CMTR1: variants seen among roughly 807,000 people sequenced by gnomAD.
The protein encoded by CMTR1 is cap-specific mRNA (nucleoside-2'-O-)-methyltransferase 1.
In CMTR1, 39 loss-of-function variants were observed where a neutral mutation model predicts 107.0. That is an observed-to-expected ratio of 0.36 (90% confidence interval 0.28 to 0.48). The LOEUF (loss-of-function observed/expected upper bound fraction) is 0.48, where lower values mean the gene tolerates loss of function less well. Ranked by LOEUF, CMTR1 falls within the 20% of genes least tolerant of loss-of-function variation. CMTR1 has a pLI of 0.99. For missense variants in CMTR1, 672 were observed against 1,064.9 expected (o/e 0.63, Z 5.14); for synonymous variants, 366 against 379.5 (o/e 0.96, Z 0.41).
upstream of CMTR1, among the ~76,000 whole-genome samples, chr6:37,432,025 C>T (rs1771390129): frequency 2.6e-5 from 4 of 152,174 alleles, no homozygotes; most frequent in Admixed American, 2.6e-4. Context: ...ACCATGTTGG[C>T]CAGGCTGGTC....
At chr6:37,465,244 G>T (rs565394746) in intron 13 of CMTR1, among the ~76,000 whole-genome samples, 1 of 151,224 alleles carries the variant, frequency 6.6e-6, no homozygotes, top group Admixed American at 6.6e-5. Flanking sequence ...TCCAGCCTGG[G>T]CAATGAGTGA....
At chr6:37,469,479 G>A (rs1761578756) in intron 13 of CMTR1, among the ~76,000 whole-genome samples, 1 of 150,146 alleles carries the variant, frequency 6.7e-6, no homozygotes, top group South Asian at 2.1e-4. Flanking sequence ...CAACTCTTCA[G>A]GAAATTTCTT....
intron 14 of CMTR1, among the ~76,000 whole-genome samples, 180 bp downstream of exon 14, chr6:37,471,257 A>C (rs979141929): frequency 6.6e-6 from 1 of 152,182 alleles, no homozygotes; most frequent in Non-Finnish European, 1.5e-5. Context: ...TTTGTCCCCA[A>C]ATACTTTACA....
At chr6:37,442,400 A>C (rs1201893202) in intron 2 of CMTR1, among the ~76,000 whole-genome samples, 1 of 152,250 alleles carries the variant, frequency 6.6e-6, no homozygotes, top group Non-Finnish European at 1.5e-5. Context: ...AAGGAGTCAT[A>C]TACTCTGTAG....
chr6:37,458,468 C>A lies in CMTR1; in HGVS notation c.778-144C>A, dbSNP rs1229657808. On this transcript the variant is annotated intron_variant, in intron 8 of 23. Transcript: ENST00000373451. This position sits in a 1 kb window ranked among gnomAD's most constrained non-coding sequence, Gnocchi z 4.7. ...AAAGGGTGTTAATCACCAGAAGATACATTTCCTGGGTGCTGTAGCTCTGGT... is the reference window on the plus strand; with the variant it reads ...AAAGGGTGTTAATCACCAGAAGATAAATTTCCTGGGTGCTGTAGCTCTGGT... 1.4e-6 allele frequency: 1 copy of A among 714,368 alleles called. No homozygotes were observed. The highest frequency in any genetic ancestry group is 2.7e-5 in the East Asian group (1 of 36,934). The allele number at this position is 714,368 out of a possible 1,614,324, so 44.3% of individuals were successfully genotyped here.
At chr6:37,446,032 T>C (rs1369824137) in intron 3 of CMTR1, among the ~76,000 whole-genome samples, 1 of 152,242 alleles carries the variant, frequency 6.6e-6, no homozygotes, top group Non-Finnish European at 1.5e-5. Context: ...CTGGGTGCTT[T>C]TAATTAGGCT....
chr6:37,469,521 C>CTTTTTTTTTT (rs763917812), intron 13 of CMTR1, among the ~76,000 whole-genome samples: 3 of 61,616 alleles, frequency 4.9e-5, no homozygotes, highest in East Asian at 5.0e-4. Flanking sequence ...TTGTTTTATC[C>CTTTTTTTTTT]TTTTTTTTTT....
At chr6:37,457,480 C>T (rs1761320628) in intron 8 of CMTR1, among the ~76,000 whole-genome samples, 1 of 151,996 alleles carries the variant, frequency 6.6e-6, no homozygotes, top group South Asian at 2.1e-4. Flanking sequence ...AGGAGAGAGA[C>T]CAAATGCAGT....
chr6:37,448,851 G>C (rs1420576296), intron 4 of CMTR1, among the ~76,000 whole-genome samples: 1 of 152,132 alleles, frequency 6.6e-6, no homozygotes, highest in Non-Finnish European at 1.5e-5. Context: ...AGAATCATCT[G>C]GGGACTTCTG....
At chr6:37,439,415 C>G (rs1771616391) in intron 2 of CMTR1, among the ~76,000 whole-genome samples, 1 of 152,158 alleles carries the variant, frequency 6.6e-6, no homozygotes, top group Non-Finnish European at 1.5e-5. Context: ...GCTCCTAGCC[C>G]TGCTGCAGCC....
At chr6:37,463,302 G>A (rs1376400492) in intron 13 of CMTR1, among the ~76,000 whole-genome samples, 2 of 152,220 alleles carry the variant, frequency 1.3e-5, no homozygotes, top group Admixed American at 1.3e-4. Context: ...TGTGTCCCTG[G>A]AGGCAGGAGT....
Position 37,481,180 on chromosome 6 carries a change from C to G in CMTR1, c.*1035C>G, listed in dbSNP as rs550964059. 1.3e-4 allele frequency: 165 copies of G among 1,301,480 alleles called. No individual in the cohort carries two copies. The South Asian group carries it at 1.8e-3, about 14-fold the overall frequency. 80.6% of individuals were successfully genotyped at this position (1,301,480 alleles called of 1,614,324 possible). ...TCACTCCCATTTCCTTTATCTTGGC[C>G]GACAACACAGAGAGGAGGGGGAGCT... On this transcript the variant is annotated 3_prime_UTR_variant, in exon 24 of 24. Transcript: ENST00000373451.
Position 37,473,484 on chromosome 6 carries a change from C to T in CMTR1, c.1704C>T (p.Asp568=), listed in dbSNP as rs1290803392. The change falls in exon 17 of 24, where the codon GAC becomes GAT. Residue 568 remains aspartate, a synonymous_variant. Coordinates refer to ENST00000373451, the MANE Select transcript of CMTR1 (RefSeq NM_015050.3). ...FFELIQGTEI[D]IFSYKPTLLT... ...CGTGGCTGCAGGGCACTGAGATTGACATCTTCAGCTACAAGCCCACACTGC... is the reference window on the plus strand; with the variant it reads ...CGTGGCTGCAGGGCACTGAGATTGATATCTTCAGCTACAAGCCCACACTGC... 1 of 1,613,454 alleles carries T rather than the reference C, an allele frequency of 6.2e-7. No individual in the cohort carries two copies. The highest frequency in any genetic ancestry group is 1.1e-5 in the South Asian group (1 of 90,980).
At position 37,477,087 on chromosome 6, in the gene CMTR1, C is replaced by T. The variant is rs114541215; in HGVS notation, c.2106-505C>T. ...ATGTTCAGGGCCCCCAAGAGCTGAG[C>T]ATGGGCATCAAACAAGAGCCCTGCA... On this transcript the variant is annotated intron_variant, in intron 20 of 23. Transcript: ENST00000373451. Among the ~76,000 whole-genome samples, 510 of 152,312 alleles carry T rather than the reference C, an allele frequency of 3.3e-3. 5 individuals carry two copies. The highest frequency in any genetic ancestry group is 0.011 in the African/African-American group (473 of 41,544).
chr6:37,428,057 A>AGAGAGAGAGAGG, the CMTR1 span, among the ~76,000 whole-genome samples: 731 of 143,150 alleles, frequency 5.1e-3, 10 homozygotes, highest in Non-Finnish European at 5.6e-3. Flanking sequence ...AGAGAGAGAG[A>AGAGAGAGAGAGG]GAGAAACTCT....
chr6:37,434,670 G>A (rs994056356), intron 1 of CMTR1, among the ~76,000 whole-genome samples: 1 of 152,028 alleles, frequency 6.6e-6, no homozygotes, highest in African/African-American at 2.4e-5. Context: ...GTCGCCCAGG[G>A]TGGAGTGCAG....
chr6:37,435,585 G>T, intron 1 of CMTR1, 39 bp from the exon 2 acceptor site: 1 of 1,576,412 alleles, frequency 6.3e-7, no homozygotes, highest in South Asian at 1.2e-5. Flanking sequence ...CAGTGGCTGT[G>T]ACCCAAGGGC....
In CMTR1 at chr6:37,480,277, G is replaced by A; in HGVS notation, c.*132G>A. The A allele has an allele frequency of 6.8e-7, 1 of 1,471,340 alleles. No individual in the cohort carries two copies. Among genetic ancestry groups the A allele is most frequent in the Non-Finnish European group, 8.9e-7 (1 of 1,128,148 alleles). 91.1% of individuals were successfully genotyped at this position (1,471,340 alleles called of 1,614,324 possible). ...AGCATTGCACCTGGCATGAGGAGTG[G>A]GTGGCCTCCTCTCCATCCCCTGAAG... is the stretch of plus-strand genomic sequence containing the variant. On this transcript the variant is annotated 3_prime_UTR_variant, in exon 24 of 24. Transcript: ENST00000373451.
At chr6:37,475,442 T>TGGGG in intron 19 of CMTR1, 30 bp downstream of exon 19, 18 of 898,864 alleles carry the variant, frequency 2.0e-5, no homozygotes, top group Non-Finnish European at 2.9e-5. Context: ...GTAGGGAGGG[T>TGGGG]GGGGGTAGGC....
Sources: allele counts gnomAD v4.1 joint callset (sites outside exome capture counted in the v4.1 genomes callset), GRCh38; gene constraint gnomAD v4.1.1; non-coding constraint Gnocchi (gnomAD v3.1); transcripts MANE v1.5; gene names NCBI Gene and HGNC (gene_info 2026-07-23, HGNC 2026-07-21).